Variants in RHEX observed in about 807,000 individuals in gnomAD.
RHEX encodes the protein regulator of hemoglobinization and erythroid cell expansion.
Under a neutral mutation model 20.1 loss-of-function variants are expected in RHEX, and 18 were observed. The observed-to-expected ratio is 0.90, with a 90% CI of 0.62 to 1.33. The LOEUF (loss-of-function observed/expected upper bound fraction) is 1.33, where lower values mean the gene tolerates loss of function less well. RHEX is among the 40% of genes most tolerant of loss of function. The pLI is 0.00. For synonymous variants in RHEX, 87 were observed against 77.1 expected (o/e 1.13, Z -0.67); for missense variants, 192 against 214.3 (o/e 0.90, Z 0.65).
Position 206,099,755 on chromosome 1 carries a change from TCAGA to T in RHEX, c.218_221del (p.Thr73ArgfsTer51), listed in dbSNP as rs1379642334. ...CTGCTGTCAAAGAGATGAAGGAGAC[TCAGA>T]CAGAGAGAGACATCCCAATGTCTGA... On this transcript the variant is annotated frameshift_variant, in exon 4 of 6. Transcript: ENST00000331555. LOFTEE classifies it high-confidence loss of function. The T allele has an allele frequency of 6.2e-7, 1 of 1,613,950 alleles. No individual in the cohort carries two copies. Among genetic ancestry groups the T allele is most frequent in the Admixed American group, 1.7e-5 (1 of 59,996 alleles).
chr1:206,085,347 A>G (rs1662819066), intron 1 of RHEX, among the ~76,000 whole-genome samples: 1 of 152,214 alleles, frequency 6.6e-6, no homozygotes, highest in Non-Finnish European at 1.5e-5. Context: ...TAATCTATAG[A>G]GGGTGCATAA....
chr1:206,083,378 A>T, intron 1 of RHEX: 1 of 320,522 alleles, frequency 3.1e-6, no homozygotes, highest in Non-Finnish European at 4.5e-6. Flanking sequence ...TCCTCCATCT[A>T]CACAAACTGT....
chr1:206,057,477 ATGG>A (rs1452804323), intron 1 of RHEX, among the ~76,000 whole-genome samples: 1 of 152,288 alleles, frequency 6.6e-6, no homozygotes, highest in African/African-American at 2.4e-5. Context: ...AAACAGTTAC[ATGG>A]TGGAGTTCCA....
At chr1:206,061,932 G>A (rs916662895) in intron 1 of RHEX, 2 of 152,190 alleles carry the variant, frequency 1.3e-5, no homozygotes, top group East Asian at 3.9e-4. Flanking sequence ...AAATACATAG[G>A]CCAGGCACGG....
At chr1:206,070,504 G>C (rs1662505472) in intron 1 of RHEX, among the ~76,000 whole-genome samples, 1 of 152,178 alleles carries the variant, frequency 6.6e-6, no homozygotes, top group Non-Finnish European at 1.5e-5. Flanking sequence ...AACAAAGGCA[G>C]GGTCTTGGAA....
chr1:206,098,870 A>G (rs1663129700), intron 3 of RHEX, among the ~76,000 whole-genome samples: 1 of 152,242 alleles, frequency 6.6e-6, no homozygotes, highest in Non-Finnish European at 1.5e-5. Context: ...ATTCCATGTG[A>G]CAACAAACAA....
At chr1:206,077,040 G>T (rs1437274668) in intron 1 of RHEX, among the ~76,000 whole-genome samples, 2 of 152,200 alleles carry the variant, frequency 1.3e-5, no homozygotes, top group African/African-American at 4.8e-5. Context: ...GAATTAAGGT[G>T]CTGTGTTACA....
At chr1:206,083,081 A>C (rs1221782951) in intron 1 of RHEX, among the ~76,000 whole-genome samples, 1 of 152,218 alleles carries the variant, frequency 6.6e-6, no homozygotes, top group Non-Finnish European at 1.5e-5. Context: ...AACGTCCCCT[A>C]CTCACTTAAT....
chr1:206,083,847 C>T (rs1305262834), intron 1 of RHEX, among the ~76,000 whole-genome samples: 1 of 152,152 alleles, frequency 6.6e-6, no homozygotes, highest in Non-Finnish European at 1.5e-5. Flanking sequence ...TGCCTGAGAC[C>T]TGACATCTGT....
chr1:206,097,427 T>A (rs1237898886), intron 1 of RHEX, among the ~76,000 whole-genome samples: 1 of 152,138 alleles, frequency 6.6e-6, no homozygotes, highest in Non-Finnish European at 1.5e-5. Context: ...TGCTTTTCAC[T>A]CCCCACCTAC....
chr1:206,084,463 T>A (rs28396806), intron 1 of RHEX, among the ~76,000 whole-genome samples: 45,718 of 151,970 alleles, frequency 0.3, 7,658 homozygotes, highest in African/African-American at 0.45. Context: ...TGAGGCGCCA[T>A]GGTGTTAAGG....
rs180873087 is a variant in RHEX at position 206,086,151 on chromosome 1, G to A, written c.-96-11582G>A. 3.5e-4 allele frequency among the ~76,000 whole-genome samples: 53 copies of A among 152,266 alleles called. No homozygotes were observed. The East Asian group carries it at 9.1e-3, about 26-fold the overall frequency. On this transcript the variant is annotated intron_variant, in intron 1 of 5. Transcript: ENST00000331555. ...TAGGAACAGGCATTGTTTAGGACCA[G>A]GGACATCGCAGGACCCCATGGTTTC...
intron 1 of RHEX, among the ~76,000 whole-genome samples, chr1:206,054,301 TA>T (rs371183281): frequency 0.036 from 5,413 of 150,952 alleles, 35 homozygotes; most frequent in South Asian, 0.11. Context: ...AAAAATGTTA[TA>T]AAAAAATTTA....
intron 4 of RHEX, 46 bp from the exon 5 acceptor site, chr1:206,101,090 C>T (rs782005661): frequency 2.3e-5 from 34 of 1,495,296 alleles, no homozygotes; most frequent in Admixed American, 1.8e-5. Flanking sequence ...TCTCTTAACA[C>T]CCTCTGGCTT....
intron 5 of RHEX, 57 bp downstream of exon 5, chr1:206,101,254 G>T: frequency 7.1e-7 from 1 of 1,400,974 alleles, no homozygotes; most frequent in Non-Finnish European, 9.9e-7. Context: ...GATCCCTGCT[G>T]TAAAACGCTG....
At chr1:206,072,308 G>A (rs1185776030) in intron 1 of RHEX, among the ~76,000 whole-genome samples, 1 of 152,222 alleles carries the variant, frequency 6.6e-6, no homozygotes, top group Non-Finnish European at 1.5e-5. Context: ...GGGCGCGGTT[G>A]TTCACGCCTA....
Position 206,102,353 on chromosome 1 carries a change from G to T in RHEX, c.*401G>T. On this transcript the variant is annotated 3_prime_UTR_variant, in exon 6 of 6. Coordinates refer to ENST00000331555, the MANE Select transcript of RHEX (RefSeq NM_001007544.4). ...AATCAGCTGTTGTAGAGTTCTATTT[G>T]GCAATCTCATGGTTAAATGACTTCC... is the stretch of plus-strand genomic sequence containing the variant. The T allele has an allele frequency of 5.7e-6, 1 of 176,236 alleles. No individual in the cohort carries two copies. Among genetic ancestry groups the T allele is most frequent in the Non-Finnish European group, 1.2e-5 (1 of 82,314 alleles). 10.9% of individuals were successfully genotyped at this position (176,236 alleles called of 1,614,324 possible).
At chr1:206,063,911 G>T (rs528993180) in intron 1 of RHEX, among the ~76,000 whole-genome samples, 5 of 150,830 alleles carry the variant, frequency 3.3e-5, no homozygotes, top group Admixed American at 2.6e-4. Flanking sequence ...AGTGAGGAGC[G>T]TCTCTGCCCG....
At chr1:206,058,677 T>A (rs531272498) in intron 1 of RHEX, among the ~76,000 whole-genome samples, 3 of 152,142 alleles carry the variant, frequency 2.0e-5, no homozygotes, top group African/African-American at 4.8e-5. Context: ...CCTGTTCTGT[T>A]TCTCTCTGAC....
Sources: allele counts gnomAD v4.1 joint callset (sites outside exome capture counted in the v4.1 genomes callset), GRCh38; gene constraint gnomAD v4.1.1; transcripts MANE v1.5; gene names NCBI Gene and HGNC (gene_info 2026-07-23, HGNC 2026-07-21).